Variants in MARVELD2 observed in about 807,000 individuals in gnomAD.
The protein encoded by MARVELD2 is MARVEL domain containing 2.
A neutral mutation model predicts 57.6 loss-of-function variants in MARVELD2; 49 were observed. The observed-to-expected ratio is 0.85, with a 90% CI of 0.68 to 1.08. The LOEUF (loss-of-function observed/expected upper bound fraction) is 1.08. MARVELD2 is among the 50% of genes least tolerant of loss of function. The probability of loss-of-function intolerance (pLI) is 0.00; values close to 1 mark genes in which losing one functional copy is unlikely to be tolerated. For missense variants in MARVELD2, 606 were observed against 701.1 expected, an observed-to-expected ratio of 0.86 and a Z score of 1.53; for synonymous variants, 238 against 258.8, an observed-to-expected ratio of 0.92 and a Z score of 0.77.
In MARVELD2 at chr5:69,441,627, G is replaced by A. The variant is rs568454141; in HGVS notation, c.1650G>A (p.Met550Ile). ...GAATTCAAGAATATGATAAAGTAAT[G>A]AATTGGGATGTACAAGGTTATTCTT... is the stretch of plus-strand genomic sequence containing the variant. ...KQRIQEYDKVMNWDVQGYS is the reference protein window; with the variant it reads ...KQRIQEYDKVINWDVQGYS Residue 550 changes from methionine to isoleucine, a missense_variant, in exon 7 of 7, where the codon ATG (methionine) becomes ATA (isoleucine). By Grantham distance (10) the Met-to-Ile change is conservative (BLOSUM62 1). Coordinates refer to ENST00000325631, the MANE Select transcript of MARVELD2 (RefSeq NM_001038603.3). 4 of 1,583,724 alleles carry A rather than the reference G, an allele frequency of 2.5e-6. No homozygotes were observed. The highest frequency in any genetic ancestry group is 3.5e-6 in the Non-Finnish European group (4 of 1,153,790).
intron 1 of MARVELD2, among the ~76,000 whole-genome samples, chr5:69,417,208 C>A (rs967779040): frequency 2.6e-5 from 4 of 152,262 alleles, no homozygotes; most frequent in Non-Finnish European, 4.4e-5. Flanking sequence ...ATATCCCTTT[C>A]TCTGTGAAGA....
In MARVELD2 at chr5:69,441,791, T is replaced by C. The variant is rs1767336997; in HGVS notation, c.*137T>C. On this transcript the variant is annotated 3_prime_UTR_variant, in exon 7 of 7. Coordinates refer to ENST00000325631, the MANE Select transcript of MARVELD2 (RefSeq NM_001038603.3). The stretch of plus-strand genomic sequence containing the variant: ...TCCACCTCCCGGGTTCAAGCAATTC[T>C]CCTGTTCAAGCAATTAGCCTCCCCA... 1 of 608,284 alleles carries C rather than the reference T, an allele frequency of 1.6e-6. No individual in the cohort carries two copies. The highest frequency in any genetic ancestry group is 1.9e-5 in the African/African-American group (1 of 53,596). The allele number at this position is 608,284 out of a possible 1,614,324, so 37.7% of individuals were successfully genotyped here.
chr5:69,423,236 C>T (rs568389260), intron 2 of MARVELD2, among the ~76,000 whole-genome samples: 1 of 152,134 alleles, frequency 6.6e-6, no homozygotes, highest in South Asian at 2.1e-4. Context: ...GGAAACAAAT[C>T]GTTTTGTTGT....
chr5:69,435,239 C>T (rs1767096128), intron 5 of MARVELD2, among the ~76,000 whole-genome samples: 1 of 151,278 alleles, frequency 6.6e-6, no homozygotes, highest in Admixed American at 6.6e-5. Flanking sequence ...GTCTCGAACT[C>T]CTGACCTCAG....
In MARVELD2 at chr5:69,419,462, C is replaced by A. The variant is rs1425313869; in HGVS notation, c.77C>A (p.Thr26Asn). 2 of 1,614,156 alleles carry A rather than the reference C, an allele frequency of 1.2e-6. No homozygotes were observed. Among genetic ancestry groups the A allele is most frequent in the Admixed American group, 1.7e-5 (1 of 60,010 alleles). ...CCAAGCGACCTGCCCTATCAAGATA[C>A]CACCATAAGAACCCACCCAACTCTT... is the stretch of plus-strand genomic sequence containing the variant. ...EVPSDLPYQD[T>N]TIRTHPTLHD... Residue 26 changes from threonine to asparagine, a missense_variant, in exon 2 of 7, where the codon ACC becomes AAC. Physicochemically the swap from Thr to Asn is moderately conservative, Grantham distance 65 (BLOSUM62 0). Coordinates refer to ENST00000325631, the MANE Select transcript of MARVELD2 (RefSeq NM_001038603.3).
At position 69,432,961 on chromosome 5, in the gene MARVELD2, C is replaced by A; in HGVS notation, c.1371C>A (p.Arg457=). The A allele has an allele frequency of 1.2e-6, 2 of 1,614,154 alleles. No homozygotes were observed. The highest frequency in any genetic ancestry group is 1.7e-6 in the Non-Finnish European group (2 of 1,180,036). The part of the protein sequence containing the change: ...PVIQTDDERE[R]YKAVFQDQFS... ...TTCAGACAGATGATGAGCGAGAACG[C>A]TATAAAGCTGTGTTCCAAGACCAGT... The change falls in exon 5 of 7, where the codon CGC becomes CGA. Residue 457 remains arginine (R), a synonymous_variant. Transcript: ENST00000325631.
chr5:69,426,345 A>ATTATTATTATTT (rs1205290985), intron 3 of MARVELD2, among the ~76,000 whole-genome samples: 1 of 147,462 alleles, frequency 6.8e-6, no homozygotes, highest in Non-Finnish European at 1.5e-5. Flanking sequence ...TATTATTATT[A>ATTATTATTATTT]TTATTTTTAG....
At chr5:69,431,407 C>T (rs1400583889) in intron 3 of MARVELD2, among the ~76,000 whole-genome samples, 1 of 152,170 alleles carries the variant, frequency 6.6e-6, no homozygotes, top group Admixed American at 6.5e-5. Flanking sequence ...GCCACCGTGC[C>T]CGGCCAACTC....
At chr5:69,432,092 C>A (rs1432875012) in intron 3 of MARVELD2, among the ~76,000 whole-genome samples, 1 of 151,898 alleles carries the variant, frequency 6.6e-6, no homozygotes, top group Non-Finnish European at 1.5e-5. Flanking sequence ...TTCACTGCAA[C>A]CTCCACCTCC....
chr5:69,440,651 TCTC>T, intron 6 of MARVELD2, 151 bp downstream of exon 6: 1 of 599,848 alleles, frequency 1.7e-6, no homozygotes, highest in Non-Finnish European at 3.1e-6. Context: ...TGCCATTTCT[TCTC>T]ATGTCTGCTC....
At chr5:69,431,594 G>C (rs1766964516) in intron 3 of MARVELD2, among the ~76,000 whole-genome samples, 2 of 152,032 alleles carry the variant, frequency 1.3e-5, no homozygotes, top group Admixed American at 6.6e-5. Flanking sequence ...AAATAGGTAA[G>C]TTCTTAAGAC....
chr5:69,424,668 T>C (rs778976417), intron 3 of MARVELD2, 32 bp downstream of exon 3: 2 of 1,508,184 alleles, frequency 1.3e-6, no homozygotes, highest in Non-Finnish European at 9.2e-7. Context: ...TATTATGCTT[T>C]AGATTTGTTA....
At chr5:69,434,421 T>C (rs898171962) in intron 5 of MARVELD2, among the ~76,000 whole-genome samples, 1 of 145,600 alleles carries the variant, frequency 6.9e-6, no homozygotes, top group African/African-American at 2.6e-5. Flanking sequence ...ATTTTGTCAC[T>C]ACACTCCAGC....
At position 69,432,903 on chromosome 5, in the gene MARVELD2, G is replaced by T. The variant is rs574746078; in HGVS notation, c.1332-19G>T. ...TTTTAGTGAAACAATTATATCTTTG[G>T]CTTATGTTTTTCCCCTAGAAAATAC... On this transcript the variant is annotated intron_variant, in intron 4 of 6. Transcript: ENST00000325631. 13 of 1,614,016 alleles carry T rather than the reference G, an allele frequency of 8.1e-6. No individual in the cohort carries two copies. In the African/African-American group the frequency reaches 1.6e-4, roughly 20 times the overall value.
At chr5:69,417,218 A>T (rs1347237027) in intron 1 of MARVELD2, among the ~76,000 whole-genome samples, 1 of 152,104 alleles carries the variant, frequency 6.6e-6, no homozygotes, top group Non-Finnish European at 1.5e-5. Context: ...CTCTGTGAAG[A>T]TTTCCCTGCC....
chr5:69,437,353 C>G (rs1767181342), intron 5 of MARVELD2, among the ~76,000 whole-genome samples: 1 of 143,940 alleles, frequency 6.9e-6, no homozygotes, highest in East Asian at 2.0e-4. Flanking sequence ...TGCACTCCAG[C>G]CTGGGCAACA....
At chr5:69,423,551 G>T (rs1165161156) in intron 2 of MARVELD2, among the ~76,000 whole-genome samples, 2 of 152,090 alleles carry the variant, frequency 1.3e-5, no homozygotes, top group African/African-American at 4.8e-5. Context: ...AAGCCACTGT[G>T]CTTGATGGAA....
chr5:69,436,068 A>G (rs927316915), intron 5 of MARVELD2, among the ~76,000 whole-genome samples: 2 of 152,326 alleles, frequency 1.3e-5, no homozygotes, highest in Non-Finnish European at 2.9e-5. Context: ...CCAAATGTCT[A>G]TATAGTCATT....
chr5:69,437,297 G>A (rs568394736), intron 5 of MARVELD2, among the ~76,000 whole-genome samples: 12 of 149,734 alleles, frequency 8.0e-5, no homozygotes, highest in Non-Finnish European at 1.8e-4. Context: ...CAGGAGAATC[G>A]CTTGACCCAG....
Sources: allele counts gnomAD v4.1 joint callset (sites outside exome capture counted in the v4.1 genomes callset), GRCh38; gene constraint gnomAD v4.1.1; transcripts MANE v1.5; gene names NCBI Gene and HGNC (gene_info 2026-07-23, HGNC 2026-07-21).